Variants in PHACTR3 observed in about 807,000 individuals in gnomAD.
The protein encoded by PHACTR3 is phosphatase and actin regulator 3, also known as protein phosphatase 1, regulatory subunit 123.
In PHACTR3, 16 loss-of-function variants were observed where a neutral mutation model predicts 66.8. The ratio of observed to expected loss-of-function variants is 0.24; its 90% CI spans 0.16 to 0.36. The LOEUF (loss-of-function observed/expected upper bound fraction) is 0.36. PHACTR3 is among the 10% of genes least tolerant of loss of function. PHACTR3 has a pLI of 1.00. For missense variants in PHACTR3, 647 were observed against 719.9 expected (o/e 0.90, Z 1.16); for synonymous variants, 323 against 292.1 (o/e 1.11, Z -1.08).
chr20:59,748,038 T>C (rs2039438195), intron 3 of PHACTR3, among the ~76,000 whole-genome samples: 1 of 152,200 alleles, frequency 6.6e-6, no homozygotes, highest in Admixed American at 6.5e-5. Flanking sequence ...GGAGACCCCA[T>C]TACTGAGCTG....
chr20:59,635,081 TTTTC>T (rs1192048657), intron 1 of PHACTR3, among the ~76,000 whole-genome samples: 1 of 149,728 alleles, frequency 6.7e-6, no homozygotes, highest in Non-Finnish European at 1.5e-5. Context: ...TTCTGTTCTT[TTTTC>T]TTTCTTTCTT....
rs1330861909 is a variant in PHACTR3, at chr20:59,767,326, C to A, written c.682C>A (p.Leu228Ile). Residue 228 changes from leucine (L) to isoleucine (I), a missense_variant, in exon 5 of 13, where the codon CTC becomes ATC. Leu to Ile is a conservative substitution (Grantham distance 5). This residue lies in a region of PHACTR3 where 577 missense variants were observed against 571.1 expected (regional missense o/e 1.01). Transcript: ENST00000371015. ...PRPLERSVGQ[L>I]PSPPLLPTPP... Reference sequence around the variant, plus strand: ...ACCTCTGGAGAGATCCGTGGGCCAGCTCCCCAGCCCCCCACTGCTGCCCAC... The same window carrying A: ...ACCTCTGGAGAGATCCGTGGGCCAGATCCCCAGCCCCCCACTGCTGCCCAC... 1.2e-6 allele frequency: 2 copies of A among 1,614,070 alleles called. No individual in the cohort carries two copies. The highest frequency in any genetic ancestry group is 2.7e-5 in the African/African-American group (2 of 74,942).
chr20:59,743,159 T>C lies in PHACTR3; in HGVS notation c.171T>C (p.Ile57=), dbSNP rs1052840874. 16 of 1,613,872 alleles carry C rather than the reference T, an allele frequency of 9.9e-6. No homozygotes were observed. The highest frequency in any genetic ancestry group is 1.4e-5 in the Non-Finnish European group (16 of 1,179,960). ...PARPEYLVSG[I]RTPPVRRNSK... is the part of the protein sequence containing the mutation. ...GTCCTGAATATCTGGTCTCAGGGAT[T>C]CGAACTCCCCCTGTGAGGAGGAACA... The change falls in exon 2 of 13, where the codon ATT becomes ATC. Residue 57 remains isoleucine (I), a synonymous_variant. Transcript: ENST00000371015.
chr20:59,627,793 A>G (rs980454783), intron 1 of PHACTR3, among the ~76,000 whole-genome samples: 1 of 152,158 alleles, frequency 6.6e-6, no homozygotes, highest in African/African-American at 2.4e-5. Context: ...ATCTCTCAAT[A>G]TATCTATCAT....
At chr20:59,756,631 G>C (rs1363964833) in intron 4 of PHACTR3, among the ~76,000 whole-genome samples, 1 of 151,960 alleles carries the variant, frequency 6.6e-6, no homozygotes, top group East Asian at 1.9e-4. Context: ...CACACACACA[G>C]GTCTCTGTGT....
In PHACTR3 at chr20:59,624,098, G is replaced by A. The variant is rs138950558; in HGVS notation, c.118+18966G>A. Among the ~76,000 whole-genome samples, 1,310 of 152,270 alleles carry A rather than the reference G, an allele frequency of 8.6e-3. 23 individuals carry two copies. Among genetic ancestry groups the A allele is most frequent in the African/African-American group, 0.03 (1,257 of 41,554 alleles). ...GGTGGGGACATAAGAGTGGGAAATG[G>A]CTGGGGCAGTGTCTCTAGAGGGTGG... On this transcript the variant is annotated intron_variant, in intron 1 of 12. Transcript: ENST00000371015.
intron 1 of PHACTR3, among the ~76,000 whole-genome samples, chr20:59,668,551 A>G (rs2036077628): frequency 6.6e-6 from 1 of 152,088 alleles, no homozygotes; most frequent in Non-Finnish European, 1.5e-5. Flanking sequence ...AAAGCTCTCC[A>G]CCATTTAAGA....
intron 4 of PHACTR3, among the ~76,000 whole-genome samples, chr20:59,761,729 A>C (rs1348378814): frequency 6.6e-6 from 1 of 152,238 alleles, no homozygotes; most frequent in Non-Finnish European, 1.5e-5. Flanking sequence ...GTGTCAGTGG[A>C]ACATGCTCAG....
chr20:59,696,482 G>A (rs2037301061), intron 1 of PHACTR3, among the ~76,000 whole-genome samples: 1 of 152,108 alleles, frequency 6.6e-6, no homozygotes, highest in Non-Finnish European at 1.5e-5. Context: ...AAGGACCTGT[G>A]TCATCCCTGA....
intron 4 of PHACTR3, among the ~76,000 whole-genome samples, chr20:59,757,610 G>A (rs183967580): frequency 6.8e-4 from 103 of 152,244 alleles, no homozygotes; most frequent in African/African-American, 2.2e-3. Flanking sequence ...CAAAAGCAGC[G>A]TCGGTGGTGA....
intron 1 of PHACTR3, among the ~76,000 whole-genome samples, chr20:59,623,553 C>T (rs755392949): frequency 8.5e-5 from 13 of 152,138 alleles, no homozygotes; most frequent in Non-Finnish European, 1.6e-4. Context: ...TTTTCTTCTT[C>T]GTTTGTTTGT....
intron 1 of PHACTR3, among the ~76,000 whole-genome samples, chr20:59,739,207 A>G (rs2039062240): frequency 6.6e-6 from 1 of 152,110 alleles, no homozygotes; most frequent in Non-Finnish European, 1.5e-5. Context: ...ACAGTGGAGG[A>G]TGCCATTGCT....
intron 1 of PHACTR3, among the ~76,000 whole-genome samples, chr20:59,681,902 C>T (rs1403645434): frequency 6.6e-6 from 1 of 151,896 alleles, no homozygotes; most frequent in Non-Finnish European, 1.5e-5. Flanking sequence ...CCCAGCTACT[C>T]AGGAGGCTGA....
In PHACTR3 at chr20:59,815,428, T is replaced by TG. The variant is rs988759872; in HGVS notation, c.1328+9234_1328+9235insG. Among the ~76,000 whole-genome samples, 17 of 149,566 alleles carry TG rather than the reference T, an allele frequency of 1.1e-4. No individual in the cohort carries two copies. In the South Asian group the frequency reaches 3.2e-3, roughly 28 times the overall value. The stretch of plus-strand genomic sequence containing the variant: ...GTACTTGGGGTTCTGGTTTTTTTTT[T>TG]TTTGTTTTTTTTTTTGAGATGGACT... On this transcript the variant is annotated intron_variant, in intron 8 of 12. Coordinates refer to ENST00000371015, the MANE Select transcript of PHACTR3 (RefSeq NM_080672.5).
intron 1 of PHACTR3, among the ~76,000 whole-genome samples, chr20:59,724,735 A>G (rs2038495534): frequency 1.3e-5 from 2 of 152,212 alleles, no homozygotes; most frequent in African/African-American, 4.8e-5. Context: ...CTCCAGTTCC[A>G]GTACACGCTC....
At chr20:59,716,702 T>G (rs2038104968) in intron 1 of PHACTR3, among the ~76,000 whole-genome samples, 2 of 152,214 alleles carry the variant, frequency 1.3e-5, no homozygotes, top group Admixed American at 6.5e-5. Flanking sequence ...ATTCACACAT[T>G]TATCTGTATG....
At chr20:59,725,012 T>G (rs967117547) in intron 1 of PHACTR3, among the ~76,000 whole-genome samples, 1 of 151,042 alleles carries the variant, frequency 6.6e-6, no homozygotes, top group East Asian at 2.0e-4. Context: ...TCAGGTATGT[T>G]GAGAGGAGGG....
intron 1 of PHACTR3, among the ~76,000 whole-genome samples, chr20:59,661,025 A>G (rs934721941): frequency 5.9e-5 from 9 of 152,168 alleles, no homozygotes; most frequent in Admixed American, 5.9e-4. Flanking sequence ...ATCTCTTCAC[A>G]CTGTGATTCT....
intron 4 of PHACTR3, among the ~76,000 whole-genome samples, chr20:59,763,345 A>C (rs189258904): frequency 1.3e-5 from 2 of 152,334 alleles, no homozygotes; most frequent in Admixed American, 1.3e-4. Flanking sequence ...TAAGTTACTC[A>C]GTCTTGGGCA....
Sources: allele counts gnomAD v4.1 joint callset (sites outside exome capture counted in the v4.1 genomes callset), GRCh38; gene constraint gnomAD v4.1.1; regional missense constraint gnomAD v4.1.1; transcripts MANE v1.5; gene names NCBI Gene and HGNC (gene_info 2026-07-23, HGNC 2026-07-21).